TRPM8: variants seen among roughly 807,000 people sequenced by gnomAD.
TRPM8 encodes TRPM8 cationic channel.
In TRPM8, 110 loss-of-function variants were observed where a neutral mutation model predicts 133.7. The ratio of observed to expected loss-of-function variants is 0.82; its 90% CI spans 0.70 to 0.96. The LOEUF (loss-of-function observed/expected upper bound fraction) is 0.96, where lower values mean the gene tolerates loss of function less well. TRPM8 is among the 40% of genes least tolerant of loss of function. The pLI, the probability that TRPM8 is intolerant of heterozygous loss-of-function variation, is 0.00. For synonymous variants in TRPM8, 535 were observed against 532.3 expected (o/e 1.01, Z -0.07); for missense variants, 1,291 against 1,379.5 (o/e 0.94, Z 1.02).
intron 20 of TRPM8, 54 bp from the exon 21 acceptor site, chr2:233,985,634 G>A (rs1445250330): frequency 7.1e-6 from 11 of 1,547,108 alleles, no homozygotes; most frequent in Middle Eastern, 1.7e-4. Flanking sequence ...GAATGCCATC[G>A]CTCTCACCCC....
intron 7 of TRPM8, among the ~76,000 whole-genome samples, chr2:233,946,559 A>G (rs946214789): frequency 2.0e-5 from 3 of 152,206 alleles, no homozygotes; most frequent in East Asian, 1.9e-4. Context: ...TCCTGTGGAC[A>G]GGGTATTGAG....
At chr2:233,996,895 G>A (rs1041466548) in intron 22 of TRPM8, among the ~76,000 whole-genome samples, 2 of 152,124 alleles carry the variant, frequency 1.3e-5, no homozygotes, top group African/African-American at 2.4e-5. Flanking sequence ...ACTCCAGCAC[G>A]GTTTGTGACT....
In TRPM8 at chr2:233,939,093, G is replaced by A. The variant is rs1690835461; in HGVS notation, c.444G>A (p.Val148=). 1.2e-6 allele frequency: 2 copies of A among 1,614,082 alleles called. No homozygotes were observed. The highest frequency in any genetic ancestry group is 2.2e-5 in the East Asian group (1 of 44,892). ...AAACACCCAACCTGGTCATTTCTGT[G>A]ACCGGGGGCGCCAAGAACTTCGCCC... ...HLKTPNLVIS[V]TGGAKNFALK... The change falls in exon 5 of 26, where the codon GTG becomes GTA. Residue 148 remains valine, a synonymous_variant. Coordinates refer to ENST00000324695, the MANE Select transcript of TRPM8 (RefSeq NM_024080.5).
At chr2:233,975,899 A>ACAAAG in intron 17 of TRPM8, among the ~76,000 whole-genome samples, 1 of 152,022 alleles carries the variant, frequency 6.6e-6, no homozygotes, top group South Asian at 2.1e-4. Context: ...ACAAAACAAA[A>ACAAAG]CAAAAACAAA....
intron 21 of TRPM8, among the ~76,000 whole-genome samples, chr2:233,995,260 A>T (rs751199599): frequency 3.9e-5 from 6 of 152,366 alleles, no homozygotes; most frequent in Non-Finnish European, 8.8e-5. Flanking sequence ...AGTTGTTTGT[A>T]GATTAAGCCA....
At chr2:233,947,574 G>T (rs1315862547) in intron 8 of TRPM8, 1 of 1,291,704 alleles carries the variant, frequency 7.7e-7, no homozygotes, top group Non-Finnish European at 1.0e-6. Flanking sequence ...ATGCCACCTG[G>T]GGATGCAGGT....
intron 17 of TRPM8, among the ~76,000 whole-genome samples, chr2:233,971,571 T>C (rs781330270): frequency 6.6e-6 from 1 of 152,124 alleles, no homozygotes; most frequent in Non-Finnish European, 1.5e-5. Flanking sequence ...GGTGGGTTCT[T>C]GGTCTCACTA....
At chr2:233,971,133 G>A (rs190534943) in intron 17 of TRPM8, among the ~76,000 whole-genome samples, 40 of 152,220 alleles carry the variant, frequency 2.6e-4, no homozygotes, top group East Asian at 1.9e-3. Flanking sequence ...TGTTGTTGTC[G>A]TCACTGTTGT....
At chr2:233,995,183 C>T (rs1193369832) in intron 21 of TRPM8, among the ~76,000 whole-genome samples, 1 of 152,132 alleles carries the variant, frequency 6.6e-6, no homozygotes, top group Admixed American at 6.6e-5. Flanking sequence ...CTTTGTTGTG[C>T]CTCCATTTCC....
chr2:233,937,608 G>T, intron 4 of TRPM8, 99 bp downstream of exon 4: 1 of 1,369,026 alleles, frequency 7.3e-7, no homozygotes, highest in Non-Finnish European at 9.9e-7. Context: ...GGAGGCAGGA[G>T]AGATGGGTAG....
intron 9 of TRPM8, among the ~76,000 whole-genome samples, chr2:233,951,258 A>G (rs957295266): frequency 6.6e-6 from 1 of 152,188 alleles, no homozygotes; most frequent in Non-Finnish European, 1.5e-5. Context: ...AACAATCAAA[A>G]AAAGCATATA....
intron 5 of TRPM8, among the ~76,000 whole-genome samples, chr2:233,939,513 G>C (rs1405081221): frequency 1.3e-5 from 2 of 152,104 alleles, no homozygotes; most frequent in Non-Finnish European, 2.9e-5. Flanking sequence ...GTTGTAATTC[G>C]CTTGTTCTGT....
At position 233,943,619 on chromosome 2, in the gene TRPM8, C is replaced by G. The variant is rs145564638; in HGVS notation, c.699+871C>G. On this transcript the variant is annotated intron_variant, in intron 6 of 25. Transcript: ENST00000324695. ...GGCATTAAGAAGGCTGTGAGACAAC[C>G]ACCCCCCGCCCCCTGCAAATGTTTC... Among the ~76,000 whole-genome samples, 1,059 of 152,236 alleles carry G rather than the reference C, an allele frequency of 7.0e-3. 13 individuals are homozygous for G. Among genetic ancestry groups the G allele is most frequent in the South Asian group, 0.021 (103 of 4,820 alleles).
At chr2:233,961,893 T>C (rs896039859) in intron 12 of TRPM8, among the ~76,000 whole-genome samples, 3 of 152,144 alleles carry the variant, frequency 2.0e-5, no homozygotes, top group African/African-American at 7.2e-5. Context: ...GCCTCCCAAG[T>C]GTTGGGATTA....
At position 233,943,680 on chromosome 2, in the gene TRPM8, G is replaced by A. The variant is rs141097618; in HGVS notation, c.699+932G>A. On this transcript the variant is annotated intron_variant, in intron 6 of 25. Transcript: ENST00000324695. Reference sequence around the variant, plus strand: ...TTTTAGAGAGTAATGAGCATTTCATGCTAAAAATACAAGGTAGACATATGG... The same window carrying A: ...TTTTAGAGAGTAATGAGCATTTCATACTAAAAATACAAGGTAGACATATGG... Among the ~76,000 whole-genome samples the A allele has an allele frequency of 5.3e-5, 8 of 152,240 alleles. No individual in the cohort carries two copies. In the East Asian group the frequency reaches 1.5e-3, roughly 29 times the overall value.
intron 17 of TRPM8, among the ~76,000 whole-genome samples, chr2:233,972,938 G>A (rs1050272492): frequency 1.3e-5 from 2 of 152,216 alleles, no homozygotes; most frequent in African/African-American, 4.8e-5. Context: ...TGGGCTGAAG[G>A]GCTCCTCAAG....
intron 17 of TRPM8, among the ~76,000 whole-genome samples, chr2:233,971,891 C>T (rs1386455227): frequency 6.6e-6 from 1 of 152,160 alleles, no homozygotes; most frequent in East Asian, 1.9e-4. Context: ...CTTTTATTCT[C>T]TTATCTGGCC....
At chr2:233,924,046 G>A (rs28901604) in intron 1 of TRPM8, among the ~76,000 whole-genome samples, 14,031 of 152,166 alleles carry the variant, frequency 0.092, 1,765 homozygotes, top group East Asian at 0.34. Context: ...AGTGTTGGGG[G>A]GAAAGTGTTG....
At chr2:233,959,893 T>C (rs1288008501) in intron 11 of TRPM8, among the ~76,000 whole-genome samples, 1 of 151,616 alleles carries the variant, frequency 6.6e-6, no homozygotes, top group Non-Finnish European at 1.5e-5. Context: ...GTGATTCTCG[T>C]GCCTCAGCCT....
Sources: gnomAD v4.1 joint callset for allele counts (sites outside exome capture counted in the v4.1 genomes callset) on GRCh38, gnomAD v4.1.1 for gene constraint, MANE v1.5 for transcripts, NCBI Gene and HGNC (gene_info 2026-07-23, HGNC 2026-07-21) for gene names.